The following BPI variants were observed in gnomAD, a reference collection of about 807,000 sequenced individuals.
The protein encoded by BPI is bactericidal permeability increasing protein, also known as bactericidal permeability-increasing protein.
BPI carries 48 observed loss-of-function variants against 57.6 expected under a neutral mutation model. The ratio of observed to expected loss-of-function variants is 0.83; its 90% CI spans 0.66 to 1.06. The LOEUF (loss-of-function observed/expected upper bound fraction) is 1.06, where lower values mean the gene tolerates loss of function less well. Ranked by LOEUF, BPI falls within the 50% of genes least tolerant of loss-of-function variation. The pLI is 0.00. For synonymous variants in BPI, 237 were observed against 238.2 expected (o/e 0.99, Z 0.05); for missense variants, 651 against 609.7 (o/e 1.07, Z -0.71).
intron 5 of BPI, among the ~76,000 whole-genome samples, chr20:38,313,643 G>A (rs1391471179): frequency 1.3e-5 from 2 of 152,226 alleles, no homozygotes; most frequent in African/African-American, 4.8e-5. Flanking sequence ...AAGCTAATAA[G>A]TAGTAATGCT....
chr20:38,324,834 G>A lies in BPI; in HGVS notation c.993+1G>A, dbSNP rs760171273. The A allele has an allele frequency of 6.8e-6, 11 of 1,611,234 alleles. No individual in the cohort carries two copies. Among genetic ancestry groups the A allele is most frequent in the African/African-American group, 5.3e-5 (4 of 74,860 alleles). On this transcript the variant is annotated splice_donor_variant, in intron 9 of 14. Coordinates refer to ENST00000642449, the MANE Select transcript of BPI (RefSeq NM_001725.3). LOFTEE classifies it high-confidence loss of function. ...GTTCTTTGGAACCTTCCTACCTGAGGTATGGAAGACCTTGCTTTCCTTTAG... is the reference window on the plus strand; with the variant it reads ...GTTCTTTGGAACCTTCCTACCTGAGATATGGAAGACCTTGCTTTCCTTTAG...
At chr20:38,337,018 A>G (rs2076770857) in intron 14 of BPI, 128 bp from the exon 15 acceptor site, 1 of 854,310 alleles carries the variant, frequency 1.2e-6, no homozygotes. Flanking sequence ...AGTGACCCCC[A>G]CTGGCCCTGC....
chr20:38,330,353 G>T (rs1219438696), intron 11 of BPI, among the ~76,000 whole-genome samples: 5 of 152,160 alleles, frequency 3.3e-5, no homozygotes, highest in African/African-American at 1.2e-4. Flanking sequence ...GAGAGTAATG[G>T]CCCTTGCCTC....
In BPI at chr20:38,326,318, C is replaced by G; in HGVS notation, c.1047C>G (p.Thr349=). Residue 349 remains threonine, a synonymous_variant, in exon 10 of 15, where the codon ACC becomes ACG. Transcript: ENST00000642449. ...MKIQIHVSAS[T]PPHLSVQPTG... The stretch of plus-strand genomic sequence containing the variant: ...TACAGATCCATGTCTCAGCCTCCAC[C>G]CCGCCACACCTGTCTGTGCAGCCCA... The G allele has an allele frequency of 6.2e-7, 1 of 1,614,072 alleles. No individual in the cohort carries two copies. The highest frequency in any genetic ancestry group is 8.5e-7 in the Non-Finnish European group (1 of 1,179,968).
intron 7 of BPI, 87 bp downstream of exon 7, chr20:38,320,361 A>C (rs2076675187): frequency 3.3e-6 from 4 of 1,204,102 alleles, no homozygotes; most frequent in Non-Finnish European, 4.8e-6. Context: ...AAACTTAACA[A>C]TGTCCCCTAC....
intron 4 of BPI, among the ~76,000 whole-genome samples, chr20:38,311,259 A>G (rs575267042): frequency 1.4e-4 from 21 of 152,202 alleles, no homozygotes; most frequent in Non-Finnish European, 1.5e-4. Flanking sequence ...TTCACCCCAG[A>G]CTCAGCCACA....
rs1204645314 is a variant in BPI at position 38,308,955 on chromosome 20, C to T, written c.271C>T (p.Pro91Ser). The T allele has an allele frequency of 6.2e-7, 1 of 1,614,226 alleles. No homozygotes were observed. Among genetic ancestry groups the T allele is most frequent in the African/African-American group, 1.3e-5 (1 of 75,050 alleles). Residue 91 changes from proline to serine, a missense_variant, in exon 3 of 15, where the codon CCC becomes TCC. Coordinates refer to ENST00000642449, the MANE Select transcript of BPI (RefSeq NM_001725.3). ...YSMDIREFQL[P>S]SSQISMVPNV... ...CATGGACATCCGTGAATTCCAGCTT[C>T]CCAGTTCCCAGATAAGCATGGTGCC...
intron 6 of BPI, 45 bp downstream of exon 6, chr20:38,318,521 G>A: frequency 6.3e-7 from 1 of 1,590,406 alleles, no homozygotes. Flanking sequence ...ACAGAAATGG[G>A]AGGGGGTGAG....
chr20:38,317,888 G>C lies in BPI; in HGVS notation c.601-525G>C, dbSNP rs75757550. ...GTGAGTCATGGGCTAGGGGACAGGG[G>C]GATTGGGGTGGAGTGGCAAAGGCAG... On this transcript the variant is annotated intron_variant, in intron 5 of 14. Coordinates refer to ENST00000642449, the MANE Select transcript of BPI (RefSeq NM_001725.3). 2,778 of 985,322 alleles carry C rather than the reference G, an allele frequency of 2.8e-3. 59 individuals carry two copies. The African/African-American group carries it at 0.046, about 16-fold the overall frequency. 61.0% of individuals were successfully genotyped at this position (985,322 alleles called of 1,614,324 possible). A position where few individuals can be genotyped will look rare whatever the true frequency, so the allele number is the denominator to read the frequency against.
intron 7 of BPI, among the ~76,000 whole-genome samples, chr20:38,323,663 A>C (rs1182395707): frequency 6.6e-6 from 1 of 152,190 alleles, no homozygotes; most frequent in Admixed American, 6.5e-5. Flanking sequence ...AGATGAGCAT[A>C]ATTATACCTG....
chr20:38,313,383 CAAAAAAAAAAAAAAAAA>C lies in BPI; in HGVS notation c.600+1460_600+1476del, dbSNP rs60202764. Among the ~76,000 whole-genome samples the C allele has an allele frequency of 3.9e-4, 33 of 84,596 alleles. No homozygotes were observed. In the Admixed American group the frequency reaches 4.7e-3, roughly 12 times the overall value. 55.5% of individuals were successfully genotyped at this position (84,596 alleles called of 152,430 possible). A position where few individuals can be genotyped will look rare whatever the true frequency, so the allele number is the denominator to read the frequency against. On this transcript the variant is annotated intron_variant, in intron 5 of 14. Transcript: ENST00000642449. ...GGGCAACGAGAGTGAAACCCTGTCT[CAAAAAAAAAAAAAAAAA>C]AAAAAAAAAAAAAGGGTAGGGGGGA...
intron 5 of BPI, among the ~76,000 whole-genome samples, chr20:38,315,909 T>G (rs1175900264): frequency 1.4e-4 from 21 of 150,908 alleles, no homozygotes; most frequent in Non-Finnish European, 3.1e-4. Flanking sequence ...CTCAACTCAC[T>G]GCAACCTCCG....
intron 2 of BPI, 58 bp downstream of exon 2, chr20:38,307,739 C>G: frequency 1.4e-6 from 2 of 1,388,000 alleles, no homozygotes; most frequent in Middle Eastern, 1.8e-4. Flanking sequence ...TCTGGGGACA[C>G]CAAGAGCTAG....
At chr20:38,317,664 C>G (rs1172533407) in intron 5 of BPI, 1 of 765,120 alleles carries the variant, frequency 1.3e-6, no homozygotes, top group Non-Finnish European at 2.3e-6. Context: ...ATTCTAGTGG[C>G]AAGTTCACAG....
At chr20:38,330,958 C>T (rs989390845) in intron 11 of BPI, 90 bp from the exon 12 acceptor site, 1 of 1,464,684 alleles carries the variant, frequency 6.8e-7, no homozygotes, top group Non-Finnish European at 9.5e-7. Context: ...CAGACAGTAT[C>T]CACCAGAGTG....
intron 14 of BPI, among the ~76,000 whole-genome samples, chr20:38,336,276 G>A (rs1369029267): frequency 2.6e-5 from 4 of 151,766 alleles, no homozygotes; most frequent in Non-Finnish European, 4.4e-5. Flanking sequence ...CCCTCCCCAG[G>A]CCTCTTCTCT....
chr20:38,305,465 T>A (rs528352223), intron 1 of BPI, among the ~76,000 whole-genome samples: 3 of 152,350 alleles, frequency 2.0e-5, no homozygotes, highest in Admixed American at 2.0e-4. Context: ...ACATTCTCCA[T>A]GGCTCCCTAC....
intron 4 of BPI, among the ~76,000 whole-genome samples, chr20:38,311,132 A>G (rs2076620006): frequency 6.6e-6 from 1 of 152,344 alleles, no homozygotes; most frequent in Admixed American, 6.5e-5. Context: ...AAGCCACACC[A>G]TGACTCTGTG....
In BPI at chr20:38,327,747, A is replaced by G. The variant is rs1462814653; in HGVS notation, c.1229+92A>G. ...GTCCTGTGATATACAGAAGCACTGC[A>G]TTGTTGTTTTCCTGTTGGCTCATCA... On this transcript the variant is annotated intron_variant, in intron 11 of 14. Coordinates refer to ENST00000642449, the MANE Select transcript of BPI (RefSeq NM_001725.3). The G allele has an allele frequency of 2.1e-6, 3 of 1,434,548 alleles. No homozygotes were observed. The East Asian group carries it at 7.2e-5, about 34-fold the overall frequency. The allele number at this position is 1,434,548 out of a possible 1,614,324, so 88.9% of individuals were successfully genotyped here. A position where few individuals can be genotyped will look rare whatever the true frequency, so the allele number is the denominator to read the frequency against.
Sources: gnomAD v4.1 joint callset for allele counts (sites outside exome capture counted in the v4.1 genomes callset) on GRCh38, gnomAD v4.1.1 for gene constraint, MANE v1.5 for transcripts, NCBI Gene and HGNC (gene_info 2026-07-23, HGNC 2026-07-21) for gene names.